Variants in CADPS observed in about 807,000 individuals in gnomAD.
CADPS encodes calcium dependent secretion activator, also known as calcium-dependent secretion activator 1.
A neutral mutation model predicts 167.3 loss-of-function variants in CADPS; 57 were observed. The ratio of observed to expected loss-of-function variants is 0.34; its 90% confidence interval spans 0.28 to 0.42. The LOEUF is 0.42. Among genes scored for constraint, CADPS ranks in the 20% least tolerant of loss-of-function variants. The pLI, the probability that CADPS is intolerant of heterozygous loss-of-function variation, is 1.00. For synonymous variants in CADPS, 676 were observed against 635.3 expected (o/e 1.06, Z -0.96); for missense variants, 1,414 against 1,738.1 (o/e 0.81, Z 3.32).
intron 9 of CADPS, among the ~76,000 whole-genome samples, chr3:62,568,484 T>C (rs2080708617): frequency 1.3e-5 from 2 of 152,364 alleles, no homozygotes; most frequent in East Asian, 1.9e-4. Context: ...CCTAATGCCC[T>C]TGGGCATCAG....
intron 6 of CADPS, among the ~76,000 whole-genome samples, chr3:62,600,910 G>C (rs1189181709): frequency 2.6e-5 from 4 of 152,132 alleles, no homozygotes; most frequent in Non-Finnish European, 5.9e-5. Context: ...CTTGAGCTCA[G>C]GAGTATGAGG....
intron 3 of CADPS, among the ~76,000 whole-genome samples, chr3:62,667,474 T>C (rs1315397196): frequency 6.6e-6 from 1 of 152,134 alleles, no homozygotes; most frequent in African/African-American, 2.4e-5. Context: ...AGATTTCAGC[T>C]ATTGTGTTTC....
intron 3 of CADPS, among the ~76,000 whole-genome samples, chr3:62,681,833 T>A (rs573238944): frequency 1.1e-4 from 17 of 152,034 alleles, no homozygotes; most frequent in Non-Finnish European, 2.2e-4. Flanking sequence ...TTATTCTACA[T>A]TTCATTTCAG....
intron 26 of CADPS, among the ~76,000 whole-genome samples, chr3:62,448,625 G>C (rs937817637): frequency 2.2e-4 from 33 of 151,728 alleles, no homozygotes; most frequent in African/African-American, 8.0e-4. Context: ...CTTTTTTGGG[G>C]GGGGGTGGTA....
chr3:62,768,540 T>C (rs1488938493), intron 1 of CADPS, among the ~76,000 whole-genome samples: 1 of 152,194 alleles, frequency 6.6e-6, no homozygotes, highest in African/African-American at 2.4e-5. Context: ...GGTGCTCATT[T>C]AGTTAAGAAA....
chr3:62,505,391 T>A (rs1368406023), intron 17 of CADPS, among the ~76,000 whole-genome samples: 1 of 152,214 alleles, frequency 6.6e-6, no homozygotes, highest in Non-Finnish European at 1.5e-5. Flanking sequence ...CTGTAAGGAC[T>A]TAGGTGGTAT....
chr3:62,612,919 C>G (rs1372798541), intron 6 of CADPS, among the ~76,000 whole-genome samples: 3 of 152,176 alleles, frequency 2.0e-5, no homozygotes, highest in East Asian at 3.8e-4. Flanking sequence ...ACAGAAAATC[C>G]TTGCACTCAG....
At chr3:62,709,469 A>G (rs1317275727) in intron 3 of CADPS, among the ~76,000 whole-genome samples, 2 of 152,140 alleles carry the variant, frequency 1.3e-5, no homozygotes, top group African/African-American at 2.4e-5. Context: ...AGTTTTCTTT[A>G]GTACATACCC....
chr3:62,546,480 T>C (rs996523008), intron 11 of CADPS, among the ~76,000 whole-genome samples: 3 of 152,140 alleles, frequency 2.0e-5, no homozygotes, highest in African/African-American at 4.8e-5. Flanking sequence ...TTGATCTATT[T>C]AGTACTGACG....
At chr3:62,649,472 T>C (rs2069445098) in intron 5 of CADPS, among the ~76,000 whole-genome samples, 1 of 150,140 alleles carries the variant, frequency 6.7e-6, no homozygotes. Context: ...CAGGGAACAT[T>C]AATCCACTTC....
At chr3:62,621,263 G>A (rs1448390511) in intron 6 of CADPS, among the ~76,000 whole-genome samples, 2 of 152,078 alleles carry the variant, frequency 1.3e-5, no homozygotes, top group Non-Finnish European at 2.9e-5. Context: ...CGGAGGATGG[G>A]GGAGAGGAGC....
chr3:62,834,790 G>C (rs2075661659), intron 1 of CADPS, among the ~76,000 whole-genome samples: 1 of 152,054 alleles, frequency 6.6e-6, no homozygotes, highest in South Asian at 2.1e-4. Context: ...TTTAATTCTA[G>C]GTCCAGCCAA....
chr3:62,801,466 G>T (rs1293933439), intron 1 of CADPS, among the ~76,000 whole-genome samples: 1 of 151,990 alleles, frequency 6.6e-6, no homozygotes, highest in Non-Finnish European at 1.5e-5. Flanking sequence ...TCATGCATAA[G>T]GTCCCAGATA....
chr3:62,587,628 G>A (rs1206209868), intron 7 of CADPS, among the ~76,000 whole-genome samples: 1 of 152,218 alleles, frequency 6.6e-6, no homozygotes, highest in Non-Finnish European at 1.5e-5. Context: ...CACAGAGGGA[G>A]CAGTGCTCTG....
chr3:62,493,641 T>C lies in CADPS; in HGVS notation c.2727+4A>G, dbSNP rs2064128895. 1.9e-6 allele frequency: 3 copies of C among 1,554,920 alleles called. No individual in the cohort carries two copies. The highest frequency in any genetic ancestry group is 3.9e-5 in the Admixed American group (2 of 51,338). On this transcript the variant is annotated splice_donor_region_variant and intron_variant, in intron 19 of 29. Coordinates refer to ENST00000383710, the MANE Select transcript of CADPS (RefSeq NM_003716.4). ...CTTCTTTCACGAGATTTCACTTTAC[T>C]TACTTCTCCTTTATCAACATGTGGC...
intron 20 of CADPS, among the ~76,000 whole-genome samples, chr3:62,492,055 C>T (rs894233876): frequency 2.0e-5 from 3 of 152,144 alleles, no homozygotes; most frequent in Admixed American, 6.5e-5. Context: ...CCTCTTCTCA[C>T]ATTACTCTCA....
chr3:62,555,951 G>C (rs1468712289), intron 10 of CADPS, among the ~76,000 whole-genome samples: 2 of 151,928 alleles, frequency 1.3e-5, no homozygotes, highest in Non-Finnish European at 2.9e-5. Context: ...ATGATGTCTG[G>C]CTTTGTTGCC....
chr3:62,476,049 G>A (rs938672897), intron 23 of CADPS, among the ~76,000 whole-genome samples: 1 of 152,122 alleles, frequency 6.6e-6, no homozygotes, highest in African/African-American at 2.4e-5. Flanking sequence ...CTGACTCCTT[G>A]AGGGCAAAAG....
At chr3:62,469,525 T>C (rs113856626) in intron 24 of CADPS, 7,802 of 152,498 alleles carry the variant, frequency 0.051, 340 homozygotes, top group African/African-American at 0.11. Context: ...CTGGCCTTTT[T>C]TTTTTGAGAT....
Sources: allele counts gnomAD v4.1 joint callset (sites outside exome capture counted in the v4.1 genomes callset), GRCh38; gene constraint gnomAD v4.1.1; transcripts MANE v1.5; gene names NCBI Gene and HGNC (gene_info 2026-07-23, HGNC 2026-07-21).